The following SYNPR variants were observed in gnomAD, a reference collection of about 807,000 sequenced individuals.
The protein encoded by SYNPR is synaptoporin.
In SYNPR, 23 loss-of-function variants were observed where a neutral mutation model predicts 32.9. The observed-to-expected ratio is 0.70, with a 90% CI of 0.50 to 0.99. The LOEUF is 0.99. Ranked by LOEUF, SYNPR falls within the 50% of genes least tolerant of loss-of-function variation. The pLI is 0.00. For missense variants in SYNPR, 318 were observed against 349.3 expected, an observed-to-expected ratio of 0.91 and a Z score of 0.71; for synonymous variants, 146 against 135.9, an observed-to-expected ratio of 1.07 and a Z score of -0.52.
At chr3:63,582,925 C>T (rs887463686) in intron 4 of SYNPR, among the ~76,000 whole-genome samples, 1 of 151,968 alleles carries the variant, frequency 6.6e-6, no homozygotes, top group African/African-American at 2.4e-5. Flanking sequence ...CACGCGTGTC[C>T]GTATAGAAGA....
chr3:63,419,473 C>T (rs1486968674), intron 2 of SYNPR, among the ~76,000 whole-genome samples: 1 of 152,228 alleles, frequency 6.6e-6, no homozygotes, highest in African/African-American at 2.4e-5. Flanking sequence ...AAAGATTGAA[C>T]TCAGACAGCC....
At chr3:63,272,815 C>T (rs917161883) in intron 3 of SYNPR, among the ~76,000 whole-genome samples, 3 of 152,080 alleles carry the variant, frequency 2.0e-5, no homozygotes, top group African/African-American at 4.8e-5. Flanking sequence ...GGCTGCAGCA[C>T]CAGATTAAAG....
chr3:63,453,525 A>T (rs1700421358), intron 2 of SYNPR, among the ~76,000 whole-genome samples: 1 of 152,170 alleles, frequency 6.6e-6, no homozygotes, highest in Non-Finnish European at 1.5e-5. Flanking sequence ...CTGTTAGATG[A>T]GAATTGAGTA....
intron 5 of SYNPR, among the ~76,000 whole-genome samples, chr3:63,612,492 C>T (rs1700214065): frequency 1.3e-5 from 2 of 152,160 alleles, no homozygotes; most frequent in South Asian, 4.1e-4. Context: ...GATCTTGTCT[C>T]CCCATTGTTT....
At chr3:63,605,554 T>C (rs1700105683) in intron 4 of SYNPR, among the ~76,000 whole-genome samples, 1 of 152,190 alleles carries the variant, frequency 6.6e-6, no homozygotes, top group Non-Finnish European at 1.5e-5. Flanking sequence ...TTCTTTGTGA[T>C]GGGCAGGCAG....
At chr3:63,555,488 A>G (rs189828139) in intron 3 of SYNPR, among the ~76,000 whole-genome samples, 14 of 152,144 alleles carry the variant, frequency 9.2e-5, no homozygotes, top group Admixed American at 7.9e-4. Context: ...GTTCCAGTTC[A>G]CACCCTGAGC....
intron 2 of SYNPR, among the ~76,000 whole-genome samples, chr3:63,335,575 G>A (rs1390382343): frequency 6.6e-6 from 1 of 151,968 alleles, no homozygotes; most frequent in Non-Finnish European, 1.5e-5. Flanking sequence ...TTGAGAAACT[G>A]TTAACCTGAG....
intron 3 of SYNPR, among the ~76,000 whole-genome samples, chr3:63,525,624 C>T (rs560149340): frequency 6.6e-6 from 1 of 152,224 alleles, no homozygotes; most frequent in Non-Finnish European, 1.5e-5. Flanking sequence ...TTCCTCATTC[C>T]ATAAAAACAT....
At chr3:63,383,876 A>C (rs2088007530) in intron 2 of SYNPR, among the ~76,000 whole-genome samples, 1 of 152,196 alleles carries the variant, frequency 6.6e-6, no homozygotes, top group African/African-American at 2.4e-5. Context: ...CTAGATCTTA[A>C]ATGTCCTCAC....
chr3:63,494,424 T>TATATATACGTATATATATATACAC lies in SYNPR; in HGVS notation c.209+13475_209+13476insCGTATATATATATACACATATATA, dbSNP rs1559516294. Among the ~76,000 whole-genome samples the TATATATACGTATATATATATACAC allele has an allele frequency of 3.0e-4, 42 of 139,712 alleles. 1 individual carries two copies. Among genetic ancestry groups the TATATATACGTATATATATATACAC allele is most frequent in the African/African-American group, 1.1e-3 (40 of 37,364 alleles). 91.7% of individuals were successfully genotyped at this position (139,712 alleles called of 152,430 possible). ...ATATATATATATATATATACGTATA[T>TATATATACGTATATATATATACAC]ATATATATACGTATATATATATACA... On this transcript the variant is annotated intron_variant, in intron 3 of 5. Coordinates refer to ENST00000478300, the MANE Select transcript of SYNPR (RefSeq NM_001130003.2).
intron 2 of SYNPR, among the ~76,000 whole-genome samples, chr3:63,287,257 C>T (rs1174670933): frequency 6.6e-6 from 1 of 152,288 alleles, no homozygotes; most frequent in African/African-American, 2.4e-5. Context: ...GTTTTAGGGG[C>T]CTGGTGACGG....
chr3:63,540,560 A>C (rs1350511673), intron 3 of SYNPR, among the ~76,000 whole-genome samples: 2 of 152,086 alleles, frequency 1.3e-5, no homozygotes, highest in African/African-American at 4.8e-5. Flanking sequence ...CTGCATGTTA[A>C]GGAAGGAAAA....
intron 4 of SYNPR, among the ~76,000 whole-genome samples, chr3:63,602,391 G>A (rs1464793739): frequency 1.3e-5 from 2 of 152,036 alleles, no homozygotes; most frequent in Admixed American, 6.6e-5. Flanking sequence ...TATCACAATT[G>A]CTTTTGGTGT....
chr3:63,593,538 T>C (rs968300592), intron 4 of SYNPR, among the ~76,000 whole-genome samples: 3 of 152,130 alleles, frequency 2.0e-5, no homozygotes, highest in African/African-American at 7.2e-5. Flanking sequence ...ATAGAAGGTA[T>C]CTGTTCTACA....
chr3:63,266,895 T>G lies in SYNPR; in HGVS notation n.155-422T>G, dbSNP rs773031363. The stretch of plus-strand genomic sequence containing the variant: ...GGGAATTATTAAGATATTTTCATTT[T>G]GTAAGTCCAAAGGAAAAAAAATGAA... On this transcript the variant is annotated intron_variant and non_coding_transcript_variant, in intron 2 of 4. Coordinates refer to the SYNPR transcript ENST00000478456. 3.9e-5 allele frequency among the ~76,000 whole-genome samples: 6 copies of G among 152,106 alleles called. No individual in the cohort carries two copies. In the East Asian group the frequency reaches 9.6e-4, roughly 24 times the overall value.
chr3:63,425,754 A>G (rs901413672), intron 2 of SYNPR, among the ~76,000 whole-genome samples: 2 of 151,744 alleles, frequency 1.3e-5, no homozygotes, highest in African/African-American at 4.8e-5. Context: ...ATTATTATAA[A>G]TATTAAATGA....
At chr3:63,525,294 C>T (rs79478260) in intron 3 of SYNPR, among the ~76,000 whole-genome samples, 2,812 of 152,200 alleles carry the variant, frequency 0.018, 78 homozygotes, top group African/African-American at 0.063. Flanking sequence ...TGGTTCTGCA[C>T]CTGGCTCACA....
chr3:63,309,495 G>GAAATAATTTAAC (rs1426406281), intron 2 of SYNPR, among the ~76,000 whole-genome samples: 2 of 151,954 alleles, frequency 1.3e-5, no homozygotes, highest in African/African-American at 4.8e-5. Flanking sequence ...AAATTATTTG[G>GAAATAATTTAAC]AAATTGTTCC....
intron 2 of SYNPR, among the ~76,000 whole-genome samples, chr3:63,316,161 T>C (rs1462207743): frequency 6.6e-6 from 1 of 152,022 alleles, no homozygotes; most frequent in Non-Finnish European, 1.5e-5. Flanking sequence ...TTAAGGAGCA[T>C]CAATGTTCAT....
Sources: allele counts gnomAD v4.1 joint callset (sites outside exome capture counted in the v4.1 genomes callset), GRCh38; gene constraint gnomAD v4.1.1; transcripts MANE v1.5; gene names NCBI Gene and HGNC (gene_info 2026-07-23, HGNC 2026-07-21).